LRRC4C: variants seen among roughly 807,000 people sequenced by gnomAD.
LRRC4C encodes leucine-rich repeat-containing protein 4C.
In LRRC4C, 5 loss-of-function variants were observed where a neutral mutation model predicts 33.6. That is an observed-to-expected ratio of 0.15 (90% CI 0.08 to 0.31). The LOEUF is 0.31. Among genes scored for constraint, LRRC4C ranks in the 10% least tolerant of loss-of-function variants. The probability of loss-of-function intolerance (pLI) is 1.00; values close to 1 mark genes in which losing one functional copy is unlikely to be tolerated. For synonymous variants in LRRC4C, 329 were observed against 302.0 expected, an observed-to-expected ratio of 1.09 and a Z score of -0.93; for missense variants, 560 against 796.7, an observed-to-expected ratio of 0.70 and a Z score of 3.58.
In LRRC4C at chr11:41,002,641, C is replaced by G. The variant is rs542166712; in HGVS notation, c.-495-68918G>C. ...GGCATTGTATTTTATTCATGCTGAG[C>G]AATTTAACAATTTAGTAGTTTTGAG... On this transcript the variant is annotated intron_variant, in intron 1 of 6. Transcript: ENST00000528697. Among the ~76,000 whole-genome samples, 5 of 152,228 alleles carry G rather than the reference C, an allele frequency of 3.3e-5. No homozygotes were observed. The South Asian group carries it at 1.0e-3, about 32-fold the overall frequency.
chr11:41,194,339 A>G (rs1946090737), intron 1 of LRRC4C, among the ~76,000 whole-genome samples: 1 of 152,122 alleles, frequency 6.6e-6, no homozygotes, highest in Admixed American at 6.6e-5. Context: ...TCAAGGGTCA[A>G]CTATATATGA....
At chr11:40,807,567 A>T (rs1347299985) in intron 2 of LRRC4C, among the ~76,000 whole-genome samples, 1 of 152,222 alleles carries the variant, frequency 6.6e-6, no homozygotes, top group African/African-American at 2.4e-5. Context: ...AGACTGTGCC[A>T]TTCCTTTCTG....
At chr11:41,122,306 A>T (rs920864685) in intron 1 of LRRC4C, among the ~76,000 whole-genome samples, 2 of 152,094 alleles carry the variant, frequency 1.3e-5, no homozygotes, top group Admixed American at 1.3e-4. Flanking sequence ...GTCGGGAAAC[A>T]AGTCTACCCT....
chr11:40,909,340 C>T (rs1459729402), intron 2 of LRRC4C, among the ~76,000 whole-genome samples: 2 of 151,874 alleles, frequency 1.3e-5, no homozygotes, highest in Non-Finnish European at 1.5e-5. Context: ...TTTCAATGGA[C>T]AATATTTGAA....
chr11:40,287,086 G>A (rs1943892611), intron 4 of LRRC4C, among the ~76,000 whole-genome samples: 1 of 152,096 alleles, frequency 6.6e-6, no homozygotes, highest in Non-Finnish European at 1.5e-5. Context: ...AGTAACCTTA[G>A]TTTTTACTTG....
intron 4 of LRRC4C, among the ~76,000 whole-genome samples, chr11:40,309,930 ATCT>A (rs1374911363): frequency 6.6e-6 from 1 of 152,180 alleles, no homozygotes; most frequent in Non-Finnish European, 1.5e-5. Flanking sequence ...CCAGAGGCCC[ATCT>A]TCTTCCCTCC....
intron 2 of LRRC4C, among the ~76,000 whole-genome samples, chr11:40,929,629 T>A (rs1023503393): frequency 6.6e-6 from 1 of 152,108 alleles, no homozygotes; most frequent in Admixed American, 6.5e-5. Flanking sequence ...ATTTTATTTT[T>A]TTTGAGACAG....
chr11:40,685,459 G>A (rs1029593848), intron 2 of LRRC4C, among the ~76,000 whole-genome samples: 16 of 151,810 alleles, frequency 1.1e-4, no homozygotes, highest in African/African-American at 3.9e-4. Flanking sequence ...AAGATTTAAG[G>A]TGGGCAAGCT....
At chr11:40,222,819 G>C (rs991954425) in intron 5 of LRRC4C, among the ~76,000 whole-genome samples, 2 of 152,104 alleles carry the variant, frequency 1.3e-5, no homozygotes, top group African/African-American at 4.8e-5. Flanking sequence ...CTCATTTAGT[G>C]GGGGAAGATC....
chr11:40,783,611 C>A (rs1950302985), intron 2 of LRRC4C, among the ~76,000 whole-genome samples: 1 of 152,126 alleles, frequency 6.6e-6, no homozygotes, highest in Non-Finnish European at 1.5e-5. Flanking sequence ...TCTGCCTGAG[C>A]TACTTTATTT....
At chr11:40,945,205 T>C (rs1455067642) in intron 1 of LRRC4C, among the ~76,000 whole-genome samples, 2 of 76,882 alleles carry the variant, frequency 2.6e-5, no homozygotes, top group Non-Finnish European at 5.1e-5. Flanking sequence ...AATTTTTTTG[T>C]ATTTTTAGTA....
At chr11:40,200,443 A>G (rs1003140318) in intron 5 of LRRC4C, among the ~76,000 whole-genome samples, 1 of 152,036 alleles carries the variant, frequency 6.6e-6, no homozygotes, top group African/African-American at 2.4e-5. Flanking sequence ...TTAGAAATTG[A>G]GAAAACACCA....
chr11:41,257,874 T>G (rs964620364), intron 1 of LRRC4C, among the ~76,000 whole-genome samples: 6 of 152,078 alleles, frequency 3.9e-5, no homozygotes, highest in African/African-American at 1.4e-4. Context: ...TGAAATTAGT[T>G]AGTAATGCCT....
intron 2 of LRRC4C, among the ~76,000 whole-genome samples, chr11:40,714,079 T>C (rs1426781778): frequency 6.6e-6 from 1 of 152,142 alleles, no homozygotes; most frequent in Non-Finnish European, 1.5e-5. Context: ...ATGATCCATA[T>C]GATGCAGAAC....
chr11:41,443,004 A>G (rs1347226469), intron 1 of LRRC4C, among the ~76,000 whole-genome samples: 1 of 151,772 alleles, frequency 6.6e-6, no homozygotes, highest in Non-Finnish European at 1.5e-5. Context: ...TTGCTATGAA[A>G]TGGTAGAGCT....
intron 1 of LRRC4C, among the ~76,000 whole-genome samples, chr11:41,189,662 G>T (rs1019666263): frequency 7.2e-5 from 11 of 152,198 alleles, no homozygotes; most frequent in Non-Finnish European, 1.6e-4. Flanking sequence ...ATGCCCCAAG[G>T]TGATGGCAGA....
intron 3 of LRRC4C, among the ~76,000 whole-genome samples, chr11:40,443,779 A>G (rs2137994237): frequency 6.6e-6 from 1 of 152,328 alleles, no homozygotes; most frequent in South Asian, 2.1e-4. Context: ...AAAAATAAAA[A>G]GTGTGTTCTA....
chr11:40,376,059 A>G (rs921456019), intron 3 of LRRC4C, among the ~76,000 whole-genome samples: 1 of 152,218 alleles, frequency 6.6e-6, no homozygotes, highest in Non-Finnish European at 1.5e-5. Flanking sequence ...ACTCTTGTGC[A>G]TGAAACAGAA....
chr11:40,581,229 A>AC (rs2135645459), intron 3 of LRRC4C, among the ~76,000 whole-genome samples: 1 of 152,334 alleles, frequency 6.6e-6, no homozygotes, highest in South Asian at 2.1e-4. Context: ...TCCAGTGAAA[A>AC]CCATAACTCA....
Sources: allele counts gnomAD v4.1 joint callset (sites outside exome capture counted in the v4.1 genomes callset), GRCh38; gene constraint gnomAD v4.1.1; transcripts MANE v1.5; gene names NCBI Gene and HGNC (gene_info 2026-07-23, HGNC 2026-07-21).